SYN2: variants seen among roughly 807,000 people sequenced by gnomAD.
The protein encoded by SYN2 is synapsin II, also known as synapsin-2.
SYN2 carries 19 observed loss-of-function variants against 50.9 expected under a neutral mutation model. That is an observed-to-expected ratio of 0.37 (90% CI 0.26 to 0.55). SYN2 has a LOEUF of 0.55. Ranked by LOEUF, SYN2 falls within the 20% of genes least tolerant of loss-of-function variation. The pLI, the probability that SYN2 is intolerant of heterozygous loss-of-function variation, is 0.81. For synonymous variants in SYN2, 255 were observed against 224.9 expected (o/e 1.13, Z -1.20); for missense variants, 587 against 576.4 (o/e 1.02, Z -0.19).
chr3:12,072,575 A>G (rs752884466), intron 1 of SYN2, among the ~76,000 whole-genome samples: 1 of 152,164 alleles, frequency 6.6e-6, no homozygotes, highest in Non-Finnish European at 1.5e-5. Flanking sequence ...TTTGATGAAA[A>G]TATTCTTTTT....
At position 12,187,530 on chromosome 3, in the gene SYN2, C is replaced by T. The variant is rs1352717477; in HGVS notation, c.1531C>T (p.Pro511Ser). The T allele has an allele frequency of 1.2e-5, 19 of 1,552,430 alleles. No individual in the cohort carries two copies. The highest frequency in any genetic ancestry group is 1.7e-5 in the Non-Finnish European group (19 of 1,147,352). The change falls in exon 12 of 13, where the codon CCC (proline) becomes TCC (serine). Residue 511 changes from proline to serine, a missense_variant. Transcript: ENST00000621198. ...CGGCCCCACCACCCACGGAGATGCA[C>T]CCTCCAGCAGCAGCTCCCTGGCAGA... ...PGGPTTHGDA[P>S]SSSSSLAEAQ...
intron 1 of SYN2, among the ~76,000 whole-genome samples, chr3:12,077,585 C>A (rs896458027): frequency 1.3e-5 from 2 of 152,126 alleles, no homozygotes; most frequent in African/African-American, 4.8e-5. Flanking sequence ...GTTTTCTGTT[C>A]CTGTGTTAGC....
At chr3:12,005,419 C>T (rs920585099) in intron 1 of SYN2, among the ~76,000 whole-genome samples, 4 of 151,700 alleles carry the variant, frequency 2.6e-5, no homozygotes, top group African/African-American at 9.7e-5. Context: ...TTAACCAGGA[C>T]CCATGAAGGC....
intron 1 of SYN2, among the ~76,000 whole-genome samples, chr3:12,098,523 A>G (rs1695993473): frequency 6.6e-6 from 1 of 152,128 alleles, no homozygotes; most frequent in Non-Finnish European, 1.5e-5. Context: ...TAATATGTTA[A>G]TTGTAATTCC....
At chr3:12,182,442 T>G (rs1172565822) in intron 10 of SYN2, among the ~76,000 whole-genome samples, 7 of 152,146 alleles carry the variant, frequency 4.6e-5, no homozygotes, top group Non-Finnish European at 1.0e-4. Context: ...AATACAAGCA[T>G]TAGACAAACT....
At chr3:12,005,498 TC>T (rs1370832952) in intron 1 of SYN2, among the ~76,000 whole-genome samples, 1 of 151,814 alleles carries the variant, frequency 6.6e-6, no homozygotes, top group Non-Finnish European at 1.5e-5. Context: ...ACGGGCTTGT[TC>T]CCCGGAGCAT....
chr3:12,179,084 A>G (rs960227879), intron 10 of SYN2, among the ~76,000 whole-genome samples: 3 of 152,162 alleles, frequency 2.0e-5, no homozygotes, highest in Non-Finnish European at 2.9e-5. Context: ...GGACCTACCA[A>G]CCTGGAGGAG....
chr3:12,091,577 G>A (rs1695829306), intron 1 of SYN2, among the ~76,000 whole-genome samples: 1 of 152,174 alleles, frequency 6.6e-6, no homozygotes, highest in African/African-American at 2.4e-5. Flanking sequence ...TAGCAGAAGA[G>A]CTAGGATTTG....
At chr3:12,066,895 CT>C (rs1296980912) in intron 1 of SYN2, among the ~76,000 whole-genome samples, 1 of 152,140 alleles carries the variant, frequency 6.6e-6, no homozygotes, top group Non-Finnish European at 1.5e-5. Context: ...ACTTCTCGGC[CT>C]TTTGACTAAG....
chr3:12,190,742 C>T lies in SYN2; in HGVS notation c.*117C>T. 2 of 1,482,272 alleles carry T rather than the reference C, an allele frequency of 1.3e-6. No homozygotes were observed. The highest frequency in any genetic ancestry group is 8.9e-7 in the Non-Finnish European group (1 of 1,120,100). 91.8% of individuals were successfully genotyped at this position (1,482,272 alleles called of 1,614,324 possible). ...TGACCTTGACGTGTGTGGTCCCTTC[C>T]TCTGCTCTGTTGTACTAAGTGATGT... On this transcript the variant is annotated 3_prime_UTR_variant, in exon 13 of 13. Coordinates refer to ENST00000621198, the MANE Select transcript of SYN2 (RefSeq NM_133625.6).
chr3:12,142,854 A>G (rs780716311), intron 3 of SYN2, among the ~76,000 whole-genome samples: 1 of 152,182 alleles, frequency 6.6e-6, no homozygotes, highest in Non-Finnish European at 1.5e-5. Context: ...CCAGTGTCCA[A>G]CAGGAACTGG....
intron 1 of SYN2, among the ~76,000 whole-genome samples, chr3:12,019,675 A>G (rs985243885): frequency 6.6e-6 from 1 of 152,216 alleles, no homozygotes; most frequent in Non-Finnish European, 1.5e-5. Context: ...AGTATTTCTG[A>G]TTCCTTATTA....
chr3:12,036,783 A>G (rs1454597730), intron 1 of SYN2, among the ~76,000 whole-genome samples: 2 of 152,246 alleles, frequency 1.3e-5, no homozygotes, highest in East Asian at 3.8e-4. Context: ...TCCTGAATAC[A>G]CTTTTTTATT....
intron 12 of SYN2, among the ~76,000 whole-genome samples, chr3:12,188,633 C>T (rs540953302): frequency 1.3e-5 from 2 of 151,924 alleles, no homozygotes; most frequent in South Asian, 2.1e-4. Flanking sequence ...TTCTCAAAGC[C>T]GAGCTACTCC....
In SYN2 at chr3:12,169,793, C is replaced by A. The variant is rs1205065014; in HGVS notation, c.1195C>A (p.Gln399Lys). ...DCSMPLIGEHQVEDRQLITEL... is the reference protein window; with the variant it reads ...DCSMPLIGEHKVEDRQLITEL... ...TAGCATGCCACTGATTGGGGAACAT[C>A]AGGTGGAGGACAGGCAACTCATCAC... The change falls in exon 10 of 13, where the codon CAG (glutamine) becomes AAG (lysine). Residue 399 changes from glutamine (Q) to lysine (K), a missense_variant. Transcript: ENST00000621198. 6.2e-7 allele frequency: 1 copy of A among 1,613,974 alleles called. No homozygotes were observed.
intron 1 of SYN2, among the ~76,000 whole-genome samples, chr3:12,060,406 G>C (rs905691605): frequency 1.3e-5 from 2 of 152,138 alleles, no homozygotes; most frequent in Admixed American, 6.5e-5. Flanking sequence ...CCTGGGAGAA[G>C]GGCATTTCTC....
At chr3:12,168,100 G>A (rs1047980193) in intron 8 of SYN2, among the ~76,000 whole-genome samples, 6 of 152,170 alleles carry the variant, frequency 3.9e-5, no homozygotes, top group Non-Finnish European at 5.9e-5. Context: ...TACCATAGAA[G>A]CTCCAAGAAA....
At chr3:12,034,326 T>C (rs1029671010) in intron 1 of SYN2, among the ~76,000 whole-genome samples, 1 of 152,230 alleles carries the variant, frequency 6.6e-6, no homozygotes, top group Non-Finnish European at 1.5e-5. Context: ...ATTAGCTATT[T>C]GTGTATCTTC....
chr3:12,077,464 C>T (rs1466557305), intron 1 of SYN2, among the ~76,000 whole-genome samples: 2 of 152,100 alleles, frequency 1.3e-5, no homozygotes, highest in Admixed American at 6.6e-5. Flanking sequence ...TCCTAATGAT[C>T]TCCCTTCCCC....
Sources: allele counts gnomAD v4.1 joint callset (sites outside exome capture counted in the v4.1 genomes callset), GRCh38; gene constraint gnomAD v4.1.1; transcripts MANE v1.5; gene names NCBI Gene and HGNC (gene_info 2026-07-23, HGNC 2026-07-21).